Variants in CDH3 observed in about 807,000 individuals in gnomAD.
CDH3 encodes cadherin 3, also known as cadherin-3.
CDH3 carries 54 observed loss-of-function variants against 82.0 expected under a neutral mutation model. That is an observed-to-expected ratio of 0.66 (90% CI 0.53 to 0.83). The LOEUF is 0.83. Ranked by LOEUF, CDH3 falls within the 40% of genes least tolerant of loss-of-function variation. The probability of loss-of-function intolerance (pLI) is 0.00; values close to 1 mark genes in which losing one functional copy is unlikely to be tolerated. For missense variants in CDH3, 1,054 were observed against 1,084.6 expected, an observed-to-expected ratio of 0.97 and a Z score of 0.40; for synonymous variants, 446 against 437.9, an observed-to-expected ratio of 1.02 and a Z score of -0.23.
chr16:68,728,871 GC>G (rs750815928), downstream of CDH3, among the ~76,000 whole-genome samples: 1 of 152,130 alleles, frequency 6.6e-6, no homozygotes, highest in Non-Finnish European at 1.5e-5. Flanking sequence ...CTATGGGAGC[GC>G]CCGGCAACAC....
chr16:68,711,457 G>A (rs189298970), intron 1 of CDH3, among the ~76,000 whole-genome samples: 2 of 152,182 alleles, frequency 1.3e-5, no homozygotes. Flanking sequence ...TGTGAGTGAG[G>A]AAGTTCAGGT....
chr16:68,718,853 C>T (rs1195318601), intron 1 of CDH3, among the ~76,000 whole-genome samples: 1 of 152,072 alleles, frequency 6.6e-6, no homozygotes, highest in African/African-American at 2.4e-5. Flanking sequence ...TTATAATAGC[C>T]CCAAAGAGGA....
Position 68,698,501 on chromosome 16 carries a change from A to G in CDH3, c.*101A>G. 2 of 1,076,780 alleles carry G rather than the reference A, an allele frequency of 1.9e-6. No individual in the cohort carries two copies. Among genetic ancestry groups the G allele is most frequent in the Non-Finnish European group, 1.4e-6 (1 of 713,572 alleles). The allele number at this position is 1,076,780 out of a possible 1,614,324, so 66.7% of individuals were successfully genotyped here. A position where few individuals can be genotyped will look rare whatever the true frequency, so the allele number is the denominator to read the frequency against. ...CTGAGGACTTCGGAGCTTGTCAGGAAGTGGCCGTAGCAACTTGGCGGAGAC... is the reference window on the plus strand; with the variant it reads ...CTGAGGACTTCGGAGCTTGTCAGGAGGTGGCCGTAGCAACTTGGCGGAGAC... On this transcript the variant is annotated 3_prime_UTR_variant, in exon 16 of 16. Coordinates refer to ENST00000264012, the MANE Select transcript of CDH3 (RefSeq NM_001793.6).
At chr16:68,725,134 G>A (rs1393485374) in intron 2 of CDH3, among the ~76,000 whole-genome samples, 1 of 152,054 alleles carries the variant, frequency 6.6e-6, no homozygotes, top group Non-Finnish European at 1.5e-5. Flanking sequence ...GCAGTGGGAG[G>A]ACACCCAGTC....
chr16:68,698,009 G>T, intron 15 of CDH3, 182 bp from the exon 16 acceptor site: 2 of 687,364 alleles, frequency 2.9e-6, no homozygotes, highest in Admixed American at 2.1e-5. Flanking sequence ...GTGTTGCACT[G>T]AGCACTTGCT....
Position 68,646,069 on chromosome 16 carries a change from A to G in CDH3, c.160+319A>G, listed in dbSNP as rs564405583. 6 of 385,676 alleles carry G rather than the reference A, an allele frequency of 1.6e-5. No individual in the cohort carries two copies. The East Asian group carries it at 2.1e-4, about 14-fold the overall frequency. The allele number at this position is 385,676 out of a possible 1,614,324, so 23.9% of individuals were successfully genotyped here. A position where few individuals can be genotyped will look rare whatever the true frequency, so the allele number is the denominator to read the frequency against. On this transcript the variant is annotated intron_variant, in intron 2 of 15. Transcript: ENST00000264012. ...CTCCCCCGCTGGCCCCAGCAGAGGA[A>G]TGCGCCGGCCACATTCTTCCCCCAA...
At chr16:68,671,914 AT>A (rs1166852003) in intron 2 of CDH3, among the ~76,000 whole-genome samples, 1 of 152,188 alleles carries the variant, frequency 6.6e-6, no homozygotes, top group Admixed American at 6.5e-5. Context: ...CAACATAAGA[AT>A]TTTGGAGGGA....
rs34364461 is a variant in CDH3 at position 68,706,544 on chromosome 16, C to CTTT, written c.99+10645_99+10647dup. On this transcript the variant is annotated intron_variant, in intron 1 of 2. Coordinates refer to the CDH3 transcript ENST00000569080. ...ATGCTGGTTCTAGTAGTCACATTTC[C>CTTT]TTTTTTTTTTTTTTTTTTTTTTTTT... 7.0e-4 allele frequency among the ~76,000 whole-genome samples: 57 copies of CTTT among 81,672 alleles called. 3 individuals are homozygous for CTTT. Among genetic ancestry groups the CTTT allele is most frequent in the Non-Finnish European group, 9.7e-4 (42 of 43,110 alleles). 53.6% of individuals were successfully genotyped at this position (81,672 alleles called of 152,430 possible). A position where few individuals can be genotyped will look rare whatever the true frequency, so the allele number is the denominator to read the frequency against.
chr16:68,684,312 C>A (rs1021982409), intron 9 of CDH3, among the ~76,000 whole-genome samples: 1 of 152,136 alleles, frequency 6.6e-6, no homozygotes, highest in East Asian at 1.9e-4. Flanking sequence ...TGCCAGGCCC[C>A]CCAGTTTTCT....
Position 68,664,056 on chromosome 16 carries a change from G to C in CDH3, c.161-12329G>C, listed in dbSNP as rs116892802. On this transcript the variant is annotated intron_variant, in intron 2 of 15. Coordinates refer to ENST00000264012, the MANE Select transcript of CDH3 (RefSeq NM_001793.6). ...TAGCTGAGGAAACAGGCCCAGAGAG[G>C]TTAGCCAACTTGCCCAAAGTCAGTG... Among the ~76,000 whole-genome samples, 144 of 148,930 alleles carry C rather than the reference G, an allele frequency of 9.7e-4. 1 individual carries two copies. The East Asian group carries it at 0.026, about 27-fold the overall frequency.
chr16:68,712,887 G>A (rs1962047888), intron 1 of CDH3, among the ~76,000 whole-genome samples: 2 of 152,174 alleles, frequency 1.3e-5, no homozygotes, highest in East Asian at 1.9e-4. Flanking sequence ...TCACCATGTT[G>A]GCCAGGCTGG....
chr16:68,681,447 T>G (rs1483558240), intron 8 of CDH3, among the ~76,000 whole-genome samples: 3 of 152,224 alleles, frequency 2.0e-5, no homozygotes, highest in Non-Finnish European at 4.4e-5. Context: ...CTTGTGTACC[T>G]CCAAGGCAGA....
intron 12 of CDH3, among the ~76,000 whole-genome samples, chr16:68,688,772 C>T (rs546655497): frequency 1.4e-4 from 22 of 152,248 alleles, no homozygotes; most frequent in African/African-American, 2.9e-4. Context: ...ATACCTGTCA[C>T]CATGCCCATC....
At chr16:68,663,830 T>C (rs1053011763) in intron 2 of CDH3, among the ~76,000 whole-genome samples, 1 of 152,060 alleles carries the variant, frequency 6.6e-6, no homozygotes, top group African/African-American at 2.4e-5. Flanking sequence ...TTTTATTTTA[T>C]TATACTTTAA....
chr16:68,731,460 A>C (rs1962291383), downstream of CDH3, among the ~76,000 whole-genome samples: 1 of 17,116 alleles, frequency 5.8e-5, no homozygotes, highest in African/African-American at 1.7e-4. Context: ...ACGTATATAC[A>C]CATATATATA....
rs551115028 is a variant in CDH3, at chr16:68,674,186, C to T, written c.161-2199C>T. ...CAATTCCAATTTCCCTCTATCCTTG[C>T]CAACACTTGTTGTTTTCTTTTTTTT... On this transcript the variant is annotated intron_variant, in intron 2 of 15. Transcript: ENST00000264012. 2.4e-4 allele frequency among the ~76,000 whole-genome samples: 37 copies of T among 152,268 alleles called. 1 individual carries two copies. The South Asian group carries it at 6.6e-3, about 27-fold the overall frequency.
rs983136298 is a variant in CDH3 at position 68,696,273 on chromosome 16, G to T, written c.2280+350G>T. On this transcript the variant is annotated intron_variant, in intron 15 of 15. Coordinates refer to ENST00000264012, the MANE Select transcript of CDH3 (RefSeq NM_001793.6). ...ATCTCTACTAAAAATACAAAAATTA[G>T]CCAGGCATGGTGGCGGGCACCTGTA... is the stretch of plus-strand genomic sequence containing the variant. 8.6e-6 allele frequency: 3 copies of T among 348,474 alleles called. No homozygotes were observed. In the Admixed American group the frequency reaches 1.1e-4, roughly 13 times the overall value. The allele number at this position is 348,474 out of a possible 1,614,324, so 21.6% of individuals were successfully genotyped here.
chr16:68,732,049 CTGTT>C (rs1962298231), downstream of CDH3, among the ~76,000 whole-genome samples: 1 of 121,450 alleles, frequency 8.2e-6, no homozygotes, highest in South Asian at 2.7e-4. Context: ...TGAAATAAAA[CTGTT>C]TTTTTTTTTT....
At chr16:68,681,341 C>T (rs146821824) in intron 8 of CDH3, among the ~76,000 whole-genome samples, 7 of 152,292 alleles carry the variant, frequency 4.6e-5, no homozygotes, top group African/African-American at 9.6e-5. Flanking sequence ...TTTCCTAACA[C>T]GATGCCCTAA....
Sources: allele counts gnomAD v4.1 joint callset (sites outside exome capture counted in the v4.1 genomes callset), GRCh38; gene constraint gnomAD v4.1.1; transcripts MANE v1.5; gene names NCBI Gene and HGNC (gene_info 2026-07-23, HGNC 2026-07-21).